The following SNX9 variants were observed in gnomAD, a reference collection of about 807,000 sequenced individuals.
SNX9 encodes sorting nexin-9.
SNX9 carries 44 observed loss-of-function variants against 89.4 expected under a neutral mutation model. The observed-to-expected ratio is 0.49, with a 90% CI of 0.39 to 0.63. The LOEUF (loss-of-function observed/expected upper bound fraction) is 0.63, where lower values mean the gene tolerates loss of function less well. SNX9 is among the 30% of genes least tolerant of loss of function. SNX9 has a pLI of 0.00. For synonymous variants in SNX9, 236 were observed against 247.8 expected (o/e 0.95, Z 0.45); for missense variants, 578 against 736.1 (o/e 0.79, Z 2.49).
rs561955024 is a variant in SNX9, at chr6:157,944,645, A to G, written c.*1807A>G. 15 of 152,324 alleles carry G rather than the reference A, an allele frequency of 9.8e-5. No homozygotes were observed. In the South Asian group the frequency reaches 2.7e-3, roughly 27 times the overall value. 9.4% of individuals were successfully genotyped at this position (152,324 alleles called of 1,614,324 possible). On this transcript the variant is annotated 3_prime_UTR_variant, in exon 18 of 18. Transcript: ENST00000392185. ...TCTTCCCCAAATCCTATTTCTTCTGACATGAATTCATCATTTCAGTTCCGT... is the reference window on the plus strand; with the variant it reads ...TCTTCCCCAAATCCTATTTCTTCTGGCATGAATTCATCATTTCAGTTCCGT...
intron 2 of SNX9, among the ~76,000 whole-genome samples, chr6:157,870,414 TCACA>T (rs1023026988): frequency 2.0e-5 from 3 of 151,496 alleles, no homozygotes; most frequent in African/African-American, 4.9e-5. Flanking sequence ...TCACCTGCTC[TCACA>T]CACGCACACT....
chr6:157,915,406 A>G (rs1458644916), intron 9 of SNX9, among the ~76,000 whole-genome samples: 8 of 151,884 alleles, frequency 5.3e-5, no homozygotes, highest in South Asian at 2.1e-4. Flanking sequence ...TTTAATCCAT[A>G]TATAAAAATA....
chr6:157,897,020 C>T (rs1782992224), intron 5 of SNX9, 22 bp downstream of exon 5: 1 of 1,545,690 alleles, frequency 6.5e-7, no homozygotes, highest in African/African-American at 1.4e-5. Context: ...GGTGCAAGGT[C>T]CCACCCTGCC....
intron 4 of SNX9, among the ~76,000 whole-genome samples, chr6:157,881,857 G>A (rs1404057799): frequency 6.6e-6 from 1 of 152,212 alleles, no homozygotes; most frequent in African/African-American, 2.4e-5. Flanking sequence ...AAGGAAAGAA[G>A]CTGTCTTCAT....
Position 157,932,264 on chromosome 6 carries a change from G to A in SNX9, c.1358G>A (p.Gly453Asp), listed in dbSNP as rs1428920870. The change falls in exon 13 of 18, where the codon GGC becomes GAC. Residue 453 changes from glycine (G) to aspartate (D), a missense_variant. Physicochemically the swap from Gly to Asp is moderately conservative, Grantham distance 94 (BLOSUM62 -1). Around this residue, in one of 2 missense-constraint regions of SNX9, gnomAD observed 348 missense variants for 491.4 expected, o/e 0.71. Coordinates refer to ENST00000392185, the MANE Select transcript of SNX9 (RefSeq NM_016224.5). Reference sequence around the variant, plus strand: ...TTGGCCACAGTGTTCAGTTCCAGTGGCTATCAAGGTGCGTCTTTCTTCATT... The same window carrying A: ...TTGGCCACAGTGTTCAGTTCCAGTGACTATCAAGGTGCGTCTTTCTTCATT... ...QSLATVFSSS[G>D]YQGETDLNDA... 2 of 1,614,112 alleles carry A rather than the reference G, an allele frequency of 1.2e-6. No individual in the cohort carries two copies. The highest frequency in any genetic ancestry group is 1.1e-5 in the South Asian group (1 of 91,082).
intron 1 of SNX9, among the ~76,000 whole-genome samples, chr6:157,836,090 G>C (rs1781577535): frequency 6.6e-6 from 1 of 151,682 alleles, no homozygotes; most frequent in African/African-American, 2.4e-5. Context: ...TGCCACCAGA[G>C]CCAGCTAATA....
intron 9 of SNX9, among the ~76,000 whole-genome samples, chr6:157,918,919 T>G (rs993359519): frequency 1.3e-5 from 2 of 152,124 alleles, no homozygotes; most frequent in African/African-American, 4.8e-5. Context: ...TACATCTGTA[T>G]GTTATGAATC....
chr6:157,835,210 A>G (rs929388775), intron 1 of SNX9, among the ~76,000 whole-genome samples: 17 of 151,952 alleles, frequency 1.1e-4, no homozygotes, highest in African/African-American at 3.6e-4. Context: ...ATGGGGTTTC[A>G]CCATATTGGC....
At position 157,823,485 on chromosome 6, in the gene SNX9, G is replaced by A. The variant is rs1267993523; in HGVS notation, c.12+39G>A. 1.7e-6 allele frequency: 2 copies of A among 1,175,818 alleles called. No homozygotes were observed. Among genetic ancestry groups the A allele is most frequent in the Middle Eastern group, 3.4e-4 (1 of 2,908 alleles). 72.8% of individuals were successfully genotyped at this position (1,175,818 alleles called of 1,614,324 possible). On this transcript the variant is annotated intron_variant, in intron 1 of 17. Transcript: ENST00000392185. This position sits in a 1 kb window ranked among gnomAD's most constrained non-coding sequence, Gnocchi z 4.6. ...GGCGCAGGCCGGGCCGGTCGCTCAGGCCCGGGGCGGCGCGGAGAGGGTCGG... is the reference window on the plus strand; with the variant it reads ...GGCGCAGGCCGGGCCGGTCGCTCAGACCCGGGGCGGCGCGGAGAGGGTCGG...
Position 157,921,500 on chromosome 6 carries a change from T to C in SNX9, c.950-31T>C, listed in dbSNP as rs994726929. The C allele has an allele frequency of 1.9e-6, 3 of 1,605,224 alleles. No homozygotes were observed. The South Asian group carries it at 3.3e-5, about 18-fold the overall frequency. On this transcript the variant is annotated intron_variant, in intron 9 of 17. Coordinates refer to ENST00000392185, the MANE Select transcript of SNX9 (RefSeq NM_016224.5). ...TAACAGTCATTCATTTTAGACAAAG[T>C]TGTATGTCATTCTTGGTGTGTCGCT...
chr6:157,890,540 A>C (rs1274052470), intron 4 of SNX9, among the ~76,000 whole-genome samples: 1 of 152,240 alleles, frequency 6.6e-6, no homozygotes. Context: ...GGTGGGAGTT[A>C]GGAAGAGAGT....
chr6:157,844,587 G>GTTTTTTTTTTT lies in SNX9; in HGVS notation c.12+21143_12+21153dup, dbSNP rs1177648226. On this transcript the variant is annotated intron_variant, in intron 1 of 17. Transcript: ENST00000392185. ...ATTTTTAATCTTGTGGCTAATCCTT[G>GTTTTTTTTTTT]TTTTTTTTTTTTGTTTTTTTTTTTG... Among the ~76,000 whole-genome samples the GTTTTTTTTTTT allele has an allele frequency of 3.7e-3, 478 of 130,212 alleles. 18 individuals carry two copies. The highest frequency in any genetic ancestry group is 9.9e-3 in the African/African-American group (325 of 32,856). 85.4% of individuals were successfully genotyped at this position (130,212 alleles called of 152,430 possible).
At chr6:157,853,460 A>C (rs964120488) in intron 1 of SNX9, among the ~76,000 whole-genome samples, 9 of 152,104 alleles carry the variant, frequency 5.9e-5, no homozygotes, top group Admixed American at 5.9e-4. Context: ...AATTTATTCA[A>C]CTTCTGGGAT....
chr6:157,900,476 G>A (rs922861268), intron 5 of SNX9, among the ~76,000 whole-genome samples: 6 of 152,172 alleles, frequency 3.9e-5, no homozygotes, highest in Admixed American at 2.6e-4. Context: ...GGATCGGCCC[G>A]TTGAGAAATA....
At position 157,823,682 on chromosome 6, in the gene SNX9, C is replaced by T. The variant is rs2115097893; in HGVS notation, c.12+236C>T. 6.6e-6 allele frequency among the ~76,000 whole-genome samples: 1 copy of T among 152,060 alleles called. No individual in the cohort carries two copies. Among genetic ancestry groups the T allele is most frequent in the South Asian group, 2.1e-4 (1 of 4,820 alleles). On this transcript the variant is annotated intron_variant, in intron 1 of 17. Coordinates refer to ENST00000392185, the MANE Select transcript of SNX9 (RefSeq NM_016224.5). The surrounding 1 kb of genome is among the most constrained non-coding windows in gnomAD (Gnocchi z 4.6). ...ACCGGGGGACGGCGTCGGGTCTGGG[C>T]GCGGGTTGGGACCCCGGGCGCAGCG... is the stretch of plus-strand genomic sequence containing the variant.
chr6:157,938,974 T>A (rs1783981985), intron 16 of SNX9, among the ~76,000 whole-genome samples: 1 of 152,188 alleles, frequency 6.6e-6, no homozygotes. Context: ...AAACTGTACA[T>A]TTTATTATTT....
At chr6:157,834,959 T>C (rs1781555526) in intron 1 of SNX9, among the ~76,000 whole-genome samples, 1 of 152,226 alleles carries the variant, frequency 6.6e-6, no homozygotes, top group African/African-American at 2.4e-5. Context: ...TACAATAGGT[T>C]GAGCTGTCTG....
intron 1 of SNX9, among the ~76,000 whole-genome samples, chr6:157,837,327 T>G (rs1442911512): frequency 2.0e-5 from 3 of 152,238 alleles, no homozygotes; most frequent in African/African-American, 7.2e-5. Context: ...CCAGAAAACA[T>G]GCGATACAGT....
intron 10 of SNX9, chr6:157,924,339 C>T (rs1292329709): frequency 1.3e-5 from 2 of 152,138 alleles, no homozygotes; most frequent in African/African-American, 4.8e-5. Flanking sequence ...GCCTGGGCAG[C>T]TTTTCCCTTG....
Sources: allele counts gnomAD v4.1 joint callset (sites outside exome capture counted in the v4.1 genomes callset), GRCh38; gene constraint gnomAD v4.1.1; regional missense constraint gnomAD v4.1.1; non-coding constraint Gnocchi (gnomAD v3.1); transcripts MANE v1.5; gene names NCBI Gene and HGNC (gene_info 2026-07-23, HGNC 2026-07-21).